Variants in SDK1 observed in about 807,000 individuals in gnomAD.
SDK1 encodes protein sidekick-1.
In SDK1, 157 loss-of-function variants were observed where a neutral mutation model predicts 245.5. That is an observed-to-expected ratio of 0.64 (90% CI 0.56 to 0.73). The LOEUF (loss-of-function observed/expected upper bound fraction) is 0.73. Among genes scored for constraint, SDK1 ranks in the 30% least tolerant of loss-of-function variants. The probability of loss-of-function intolerance (pLI) is 0.00; values close to 1 mark genes in which losing one functional copy is unlikely to be tolerated. For synonymous variants in SDK1, 1,647 were observed against 1,278.5 expected, an observed-to-expected ratio of 1.29 and a Z score of -6.15; for missense variants, 3,583 against 3,002.3, an observed-to-expected ratio of 1.19 and a Z score of -4.52.
intron 4 of SDK1, among the ~76,000 whole-genome samples, chr7:3,807,016 A>G (rs377439164): frequency 1.3e-5 from 2 of 152,278 alleles, no homozygotes; most frequent in South Asian, 2.1e-4. Flanking sequence ...TATTTCACCC[A>G]GGCAAATCTG....
chr7:3,846,642 T>C (rs999222308), intron 5 of SDK1, among the ~76,000 whole-genome samples: 3 of 152,218 alleles, frequency 2.0e-5, no homozygotes, highest in African/African-American at 7.2e-5. Context: ...CTAAAGAGTA[T>C]TACTGCTTCC....
chr7:3,404,380 A>G (rs971388148), intron 1 of SDK1, among the ~76,000 whole-genome samples: 2 of 152,158 alleles, frequency 1.3e-5, no homozygotes, highest in Non-Finnish European at 2.9e-5. Flanking sequence ...CTGATTTGTA[A>G]TAATTTACCT....
intron 5 of SDK1, among the ~76,000 whole-genome samples, chr7:3,867,900 T>C (rs568727936): frequency 1.3e-5 from 2 of 152,212 alleles, no homozygotes; most frequent in Non-Finnish European, 2.9e-5. Context: ...TTCTTTTTTT[T>C]TCATGGAAGA....
At chr7:4,219,451 C>G (rs1222208764) in intron 38 of SDK1, among the ~76,000 whole-genome samples, 2 of 152,200 alleles carry the variant, frequency 1.3e-5, no homozygotes, top group African/African-American at 2.4e-5. Context: ...GAAGCAAAGT[C>G]ACATCTTACA....
At chr7:3,509,164 TTAAG>T (rs975045934) in intron 1 of SDK1, among the ~76,000 whole-genome samples, 4 of 152,026 alleles carry the variant, frequency 2.6e-5, no homozygotes, top group East Asian at 3.9e-4. Flanking sequence ...TGTCAGAATA[TTAAG>T]TAAGATTAAG....
chr7:3,481,558 T>C (rs1001206174), intron 1 of SDK1, among the ~76,000 whole-genome samples: 7 of 152,320 alleles, frequency 4.6e-5, no homozygotes, highest in Middle Eastern at 3.4e-3. Flanking sequence ...GGGCAAAGAA[T>C]TAGGTCCAGG....
chr7:3,465,712 G>A (rs918198500), intron 1 of SDK1, among the ~76,000 whole-genome samples: 3 of 152,248 alleles, frequency 2.0e-5, no homozygotes, highest in East Asian at 1.9e-4. Context: ...ATTCAGGCGC[G>A]TGTCTGGGAA....
intron 28 of SDK1, among the ~76,000 whole-genome samples, chr7:4,141,760 TTTG>T (rs1427299766): frequency 3.3e-5 from 5 of 152,148 alleles, no homozygotes; most frequent in African/African-American, 1.2e-4. Context: ...TAGGCATGTT[TTTG>T]TTGTTGTTTT....
intron 2 of SDK1, among the ~76,000 whole-genome samples, chr7:3,636,697 G>T (rs1231790443): frequency 1.3e-5 from 2 of 152,176 alleles, no homozygotes; most frequent in African/African-American, 4.8e-5. Flanking sequence ...TCTTCTTTCA[G>T]TTCTTGGGAA....
chr7:4,075,912 C>G (rs966612433), intron 20 of SDK1, among the ~76,000 whole-genome samples: 3 of 152,096 alleles, frequency 2.0e-5, no homozygotes, highest in Admixed American at 6.5e-5. Flanking sequence ...CTTGGCCTCC[C>G]CAAGTGCTGG....
intron 5 of SDK1, among the ~76,000 whole-genome samples, chr7:3,905,742 C>A (rs1007323528): frequency 1.3e-5 from 2 of 150,032 alleles, no homozygotes; most frequent in African/African-American, 2.5e-5. Flanking sequence ...CTAGACTCAG[C>A]CTCCTGAGTA....
intron 9 of SDK1, among the ~76,000 whole-genome samples, chr7:3,964,633 G>T (rs771749624): frequency 6.6e-6 from 1 of 152,084 alleles, no homozygotes; most frequent in Admixed American, 6.5e-5. Flanking sequence ...AATCTTCCAT[G>T]GTTGTATAAT....
chr7:3,754,568 G>T (rs561202460), intron 4 of SDK1, among the ~76,000 whole-genome samples: 6 of 151,206 alleles, frequency 4.0e-5, no homozygotes, highest in African/African-American at 7.3e-5. Flanking sequence ...AGTATCCCCT[G>T]TTCCCTGCAT....
chr7:3,852,459 T>A (rs528038120), intron 5 of SDK1, among the ~76,000 whole-genome samples: 47 of 152,032 alleles, frequency 3.1e-4, no homozygotes, highest in African/African-American at 1.1e-3. Context: ...TTTAAAAGTT[T>A]TTTTTTGGCC....
At chr7:3,906,248 G>A (rs995983638) in intron 5 of SDK1, among the ~76,000 whole-genome samples, 20 of 151,630 alleles carry the variant, frequency 1.3e-4, no homozygotes, top group African/African-American at 4.9e-4. Context: ...CTATTATTTT[G>A]TTAGAACTTT....
intron 12 of SDK1, among the ~76,000 whole-genome samples, chr7:3,972,431 G>A (rs1782562092): frequency 6.6e-6 from 1 of 152,126 alleles, no homozygotes; most frequent in African/African-American, 2.4e-5. Flanking sequence ...ATTCGGGCCA[G>A]GAAAGTAACT....
intron 5 of SDK1, among the ~76,000 whole-genome samples, chr7:3,925,652 C>T (rs912714121): frequency 2.0e-5 from 3 of 152,182 alleles, no homozygotes; most frequent in African/African-American, 7.2e-5. Flanking sequence ...CAGCATGAGG[C>T]ACACGGATCC....
intron 31 of SDK1, among the ~76,000 whole-genome samples, chr7:4,159,214 A>T (rs1163797276): frequency 6.6e-6 from 1 of 152,216 alleles, no homozygotes; most frequent in Non-Finnish European, 1.5e-5. Context: ...TGTCTTTTCC[A>T]TTTAACGCTC....
intron 1 of SDK1, among the ~76,000 whole-genome samples, chr7:3,520,298 T>A (rs1286826051): frequency 6.6e-6 from 1 of 152,232 alleles, no homozygotes; most frequent in Non-Finnish European, 1.5e-5. Flanking sequence ...CCGGTTTCAA[T>A]GATTTATCTA....
Sources: allele counts gnomAD v4.1 joint callset (sites outside exome capture counted in the v4.1 genomes callset), GRCh38; gene constraint gnomAD v4.1.1; transcripts MANE v1.5; gene names NCBI Gene and HGNC (gene_info 2026-07-23, HGNC 2026-07-21).